Variants in RUVBL1 observed in about 807,000 individuals in gnomAD.
RUVBL1 encodes the protein ruvB-like 1.
A neutral mutation model predicts 52.4 loss-of-function variants in RUVBL1; 4 were observed. The observed-to-expected ratio is 0.08, with a 90% confidence interval of 0.04 to 0.17. The LOEUF is 0.17. Ranked by LOEUF, RUVBL1 falls within the 10% of genes least tolerant of loss-of-function variation. The pLI is 1.00. For missense variants in RUVBL1, 298 were observed against 572.8 expected (o/e 0.52, Z 4.90); for synonymous variants, 217 against 214.4 (o/e 1.01, Z -0.10).
chr3:128,095,740 G>A (rs1465686929), intron 8 of RUVBL1, among the ~76,000 whole-genome samples: 1 of 152,022 alleles, frequency 6.6e-6, no homozygotes, highest in Non-Finnish European at 1.5e-5. Context: ...GAGTTTGCAT[G>A]TTTTGTTTTT....
chr3:128,148,183 T>A (rs779997519), intron 1 of RUVBL1, among the ~76,000 whole-genome samples: 6 of 152,020 alleles, frequency 3.9e-5, no homozygotes, highest in Non-Finnish European at 8.8e-5. Context: ...TTACCTGATA[T>A]CATGCATTGG....
At chr3:128,079,495 C>T (rs1942413798), downstream of RUVBL1, among the ~76,000 whole-genome samples, 1 of 152,204 alleles carries the variant, frequency 6.6e-6, no homozygotes, top group East Asian at 1.9e-4. Context: ...AGTGTGAACA[C>T]AGTCCCTGGT....
intron 6 of RUVBL1, 116 bp downstream of exon 6, chr3:128,100,479 T>C (rs1943086383): frequency 2.4e-6 from 3 of 1,259,716 alleles, no homozygotes; most frequent in East Asian, 5.1e-5. Context: ...ACATTACAGA[T>C]AGAAAAGGAC....
chr3:128,098,099 T>G (rs1366589442), intron 7 of RUVBL1, among the ~76,000 whole-genome samples: 1 of 151,918 alleles, frequency 6.6e-6, no homozygotes, highest in Non-Finnish European at 1.5e-5. Context: ...GAGGGATGAG[T>G]CTCTCAAAAG....
exon 10 of RUVBL1, chr3:128,065,162 A>G (rs762280410): frequency 9.2e-7 from 1 of 1,086,560 alleles, no homozygotes; most frequent in South Asian, 1.2e-5. Flanking sequence ...ATGAGATGGT[A>G]TTTGAAGGCA....
chr3:128,127,699 T>C (rs1161444577), upstream of RUVBL1, among the ~76,000 whole-genome samples: 1 of 152,172 alleles, frequency 6.6e-6, no homozygotes, highest in East Asian at 1.9e-4. Flanking sequence ...CAAGTAATGA[T>C]TAAATGTTGT....
intron 3 of RUVBL1, among the ~76,000 whole-genome samples, chr3:128,107,104 G>C (rs1041072587): frequency 4.6e-5 from 7 of 152,156 alleles, no homozygotes; most frequent in African/African-American, 1.7e-4. Flanking sequence ...GGTGAAGTAA[G>C]ACCACTGATG....
Position 128,082,986 on chromosome 3 carries a change from C to T in RUVBL1, c.1120-412G>A, listed in dbSNP as rs746388511. ...TCTCCAGCATGGGCACTACTGCCTA[C>T]AAGCACTCAGGCAAGAAGGGACATT... On this transcript the variant is annotated intron_variant, in intron 9 of 10. Coordinates refer to ENST00000322623, the MANE Select transcript of RUVBL1 (RefSeq NM_003707.3). The surrounding 1 kb of genome is among the most constrained non-coding windows in gnomAD (Gnocchi z 4.7). The T allele has an allele frequency of 6.2e-6, 1 of 160,526 alleles. No homozygotes were observed. The highest frequency in any genetic ancestry group is 5.9e-5 in the Admixed American group (1 of 16,850). 9.9% of individuals were successfully genotyped at this position (160,526 alleles called of 1,614,324 possible).
chr3:128,112,600 T>C (rs1943420372), intron 3 of RUVBL1, among the ~76,000 whole-genome samples: 1 of 152,104 alleles, frequency 6.6e-6, no homozygotes, highest in Non-Finnish European at 1.5e-5. Context: ...AAATAAGACT[T>C]CCAGGAAAAT....
intron 1 of RUVBL1, among the ~76,000 whole-genome samples, chr3:128,136,260 T>C (rs1943945760): frequency 6.6e-6 from 1 of 150,510 alleles, no homozygotes; most frequent in Admixed American, 6.6e-5. Context: ...TAGTGAGCCC[T>C]TACTTATCAG....
At chr3:128,104,629 C>G in intron 4 of RUVBL1, 144 bp downstream of exon 4, 1 of 653,028 alleles carries the variant, frequency 1.5e-6, no homozygotes, top group Non-Finnish European at 2.5e-6. Context: ...TTTATACACA[C>G]AATATCCTCA....
chr3:128,127,903 A>T (rs75727040), upstream of RUVBL1, among the ~76,000 whole-genome samples: 17 of 152,172 alleles, frequency 1.1e-4, no homozygotes, highest in Admixed American at 6.5e-5. Context: ...AGGCTGAGGC[A>T]GAAGAATTGC....
chr3:128,145,684 C>A (rs1944093446), intron 1 of RUVBL1, among the ~76,000 whole-genome samples: 1 of 152,164 alleles, frequency 6.6e-6, no homozygotes, highest in Non-Finnish European at 1.5e-5. Flanking sequence ...AGTCTATCCA[C>A]AGGTGACAGT....
intron 1 of RUVBL1, among the ~76,000 whole-genome samples, chr3:128,151,239 C>T (rs1284358270): frequency 1.5e-5 from 2 of 135,530 alleles, no homozygotes; most frequent in African/African-American, 2.8e-5. Context: ...TATATATATA[C>T]TCTATATATC....
chr3:128,145,518 C>T (rs1052384662), intron 1 of RUVBL1, among the ~76,000 whole-genome samples: 3 of 152,196 alleles, frequency 2.0e-5, no homozygotes, highest in Middle Eastern at 3.2e-3. Context: ...TTCCAGAGGG[C>T]GTGCCAGCCC....
At chr3:128,125,787 C>A (rs1221746317), upstream of RUVBL1, among the ~76,000 whole-genome samples, 1 of 152,178 alleles carries the variant, frequency 6.6e-6, no homozygotes, top group East Asian at 1.9e-4. Context: ...AGTTGCTTAG[C>A]CCCTCATTGA....
Position 128,147,945 on chromosome 3 carries a change from A to C in RUVBL1, c.-40+5258T>G, listed in dbSNP as rs1944128289. ...ACCACACACTGCAGTTATACACAACAACATGGATAAATCTCAAATGCATTA... is the reference window on the plus strand; with the variant it reads ...ACCACACACTGCAGTTATACACAACCACATGGATAAATCTCAAATGCATTA... On this transcript the variant is annotated intron_variant, in intron 1 of 9. Transcript: ENST00000464873. 2.0e-5 allele frequency among the ~76,000 whole-genome samples: 3 copies of C among 152,350 alleles called. No individual in the cohort carries two copies. In the South Asian group the frequency reaches 6.2e-4, roughly 32 times the overall value.
downstream of RUVBL1, among the ~76,000 whole-genome samples, chr3:128,077,173 G>A (rs1291034556): frequency 2.0e-5 from 3 of 152,110 alleles, no homozygotes; most frequent in Non-Finnish European, 4.4e-5. Flanking sequence ...GCACGGCCTG[G>A]CCATTAATCA....
In RUVBL1 at chr3:128,087,817, G is replaced by A; in HGVS notation, c.1017-9C>T. On this transcript the variant is annotated splice_polypyrimidine_tract_variant and intron_variant, in intron 8 of 10. Coordinates refer to ENST00000322623, the MANE Select transcript of RUVBL1 (RefSeq NM_003707.3). ...TGATGTCCTCAGTGCCTCTGTAAGG[G>A]GCAAAATTAATCCCATCACCTAAGC... 2 of 1,602,810 alleles carry A rather than the reference G, an allele frequency of 1.2e-6. No individual in the cohort carries two copies. Among genetic ancestry groups the A allele is most frequent in the Non-Finnish European group, 1.7e-6 (2 of 1,169,882 alleles).
Sources: allele counts gnomAD v4.1 joint callset (sites outside exome capture counted in the v4.1 genomes callset), GRCh38; gene constraint gnomAD v4.1.1; non-coding constraint Gnocchi (gnomAD v3.1); transcripts MANE v1.5; gene names NCBI Gene and HGNC (gene_info 2026-07-23, HGNC 2026-07-21).